The following ACACB variants were observed in gnomAD, a reference collection of about 807,000 sequenced individuals.
ACACB encodes acetyl-CoA carboxylase 2.
Under a neutral mutation model 278.8 loss-of-function variants are expected in ACACB, and 209 were observed. The observed-to-expected ratio is 0.75, with a 90% CI of 0.67 to 0.84. The LOEUF (loss-of-function observed/expected upper bound fraction) is 0.84. ACACB is among the 40% of genes least tolerant of loss of function. The pLI, the probability that ACACB is intolerant of heterozygous loss-of-function variation, is 0.00. For missense variants in ACACB, 2,850 were observed against 3,269.0 expected (o/e 0.87, Z 3.13); for synonymous variants, 1,174 against 1,285.6 (o/e 0.91, Z 1.86).
Position 109,247,686 on chromosome 12 carries a change from G to C in ACACB, c.5652G>C (p.Glu1884Asp). The C allele has an allele frequency of 6.2e-7, 1 of 1,613,552 alleles. No homozygotes were observed. ...SLNSVHCKHIEEGGESRYMIT... is the reference protein window; with the variant it reads ...SLNSVHCKHIDEGGESRYMIT... Reference sequence around the variant, plus strand: ...ACTCCGTCCACTGTAAACACATCGAGGAAGGAGGAGAGTCCAGGTAAATAA... The same window carrying C: ...ACTCCGTCCACTGTAAACACATCGACGAAGGAGGAGAGTCCAGGTAAATAA... The change falls in exon 40 of 53, where the codon GAG becomes GAC. Residue 1884 changes from glutamate (E) to aspartate (D), a missense_variant. This residue lies in a region of ACACB where 2,265 missense variants were observed against 2,561.3 expected (regional missense o/e 0.88). Coordinates refer to ENST00000338432, the MANE Select transcript of ACACB (RefSeq NM_001093.4).
Position 109,206,823 on chromosome 12 carries a change from C to T in ACACB, c.3027C>T (p.Gly1009=). ...VLENLTNVMS[G]FCLPEPVFSI... ...AAAACCTCACCAACGTCATGAGTGG[C>T]TTTTGTCTGCCAGAGCCCGTTTTTA... The change falls in exon 20 of 53, where the codon GGC becomes GGT. Residue 1009 remains glycine, a synonymous_variant. Transcript: ENST00000338432. The T allele has an allele frequency of 6.2e-7, 1 of 1,614,134 alleles. No individual in the cohort carries two copies. The highest frequency in any genetic ancestry group is 8.5e-7 in the Non-Finnish European group (1 of 1,180,034).
At chr12:109,240,504 A>T (rs1449528390) in intron 35 of ACACB, among the ~76,000 whole-genome samples, 5 of 150,996 alleles carry the variant, frequency 3.3e-5, no homozygotes, top group Non-Finnish European at 7.4e-5. Flanking sequence ...TAAAAATTTT[A>T]AAAATTAAAA....
At chr12:109,167,105 G>T in intron 3 of ACACB, 112 bp downstream of exon 3, 1 of 1,422,020 alleles carries the variant, frequency 7.0e-7, no homozygotes, top group Admixed American at 1.8e-5. Flanking sequence ...GCTGCAGAGA[G>T]GGGGTGAGGG....
intron 2 of ACACB, among the ~76,000 whole-genome samples, chr12:109,148,246 A>G (rs2300460): frequency 0.16 from 23,752 of 152,192 alleles, 2,103 homozygotes; most frequent in East Asian, 0.25. Flanking sequence ...TGGCAAAATC[A>G]CTGCTTACAT....
At chr12:109,241,012 A>G in intron 35 of ACACB, 66 bp from the exon 36 acceptor site, 1 of 1,495,310 alleles carries the variant, frequency 6.7e-7, no homozygotes, top group Non-Finnish European at 9.3e-7. Flanking sequence ...TATTAGTATC[A>G]GTGCTATTGC....
At chr12:109,188,775 A>G (rs1443791452) in intron 13 of ACACB, among the ~76,000 whole-genome samples, 1 of 152,208 alleles carries the variant, frequency 6.6e-6, no homozygotes, top group Non-Finnish European at 1.5e-5. Flanking sequence ...TGAGCTTATA[A>G]GAGTTCTAGC....
upstream of ACACB, among the ~76,000 whole-genome samples, chr12:109,112,531 T>C (rs565741597): frequency 3.3e-3 from 497 of 151,956 alleles, 1 homozygote; most frequent in African/African-American, 0.011. Context: ...GGAGAAACCC[T>C]GTCTCCACTA....
intron 19 of ACACB, among the ~76,000 whole-genome samples, chr12:109,206,262 T>G (rs961733502): frequency 1.3e-5 from 2 of 151,882 alleles, no homozygotes; most frequent in Admixed American, 1.3e-4. Flanking sequence ...GGTGAAAACC[T>G]GTCTATACTA....
intron 17 of ACACB, among the ~76,000 whole-genome samples, chr12:109,197,577 G>A (rs1278104125): frequency 6.6e-6 from 1 of 152,160 alleles, no homozygotes; most frequent in East Asian, 1.9e-4. Flanking sequence ...GGAGCTTCCA[G>A]CCCATTCGGG....
chr12:109,241,274 C>T lies in ACACB; in HGVS notation c.5015C>T (p.Ser1672Phe). 1.9e-6 allele frequency: 3 copies of T among 1,614,128 alleles called. No individual in the cohort carries two copies. In the Middle Eastern group the frequency reaches 4.9e-4, roughly 266 times the overall value. Residue 1672 changes from serine (S) to phenylalanine (F), a missense_variant, in exon 36 of 53, where the codon TCT (serine) becomes TTT (phenylalanine). Around this residue, in one of 3 missense-constraint regions of ACACB, gnomAD observed 2,265 missense variants for 2,561.3 expected, o/e 0.88. Coordinates refer to ENST00000338432, the MANE Select transcript of ACACB (RefSeq NM_001093.4). ...SLYKEVTDSRSGNIMFHSFGN... is the reference protein window; with the variant it reads ...SLYKEVTDSRFGNIMFHSFGN... ...TACAAAGAAGTGACTGACTCCAGATCTGGAAATGTAAGGCTGGCCCGCGCC... is the reference window on the plus strand; with the variant it reads ...TACAAAGAAGTGACTGACTCCAGATTTGGAAATGTAAGGCTGGCCCGCGCC...
At chr12:109,220,694 G>A (rs1244192663) in intron 24 of ACACB, among the ~76,000 whole-genome samples, 3 of 152,082 alleles carry the variant, frequency 2.0e-5, no homozygotes, top group Non-Finnish European at 4.4e-5. Context: ...TGGGACTACA[G>A]GCACGTACCA....
At chr12:109,118,367 G>A (rs1330536517) in intron 1 of ACACB, among the ~76,000 whole-genome samples, 2 of 151,698 alleles carry the variant, frequency 1.3e-5, no homozygotes, top group Non-Finnish European at 2.9e-5. Context: ...TTTTGAAATG[G>A]AGGTTTCCTT....
chr12:109,197,089 G>T lies in ACACB; in HGVS notation c.2563G>T (p.Gly855Trp). Residue 855 changes from glycine (G) to tryptophan (W), a missense_variant, in exon 17 of 53, where the codon GGG becomes TGG. Around this residue, in one of 3 missense-constraint regions of ACACB, gnomAD observed 2,265 missense variants for 2,561.3 expected, o/e 0.88. Transcript: ENST00000338432. ...IEIDAHRLND[G>W]GLLLSYNGNS... ...GATTGATGCCCACCGGCTGAATGAT[G>T]GGGGGCTCCTGCTCTCCTACAATGG... 1.2e-6 allele frequency: 2 copies of T among 1,601,606 alleles called. No individual in the cohort carries two copies. The highest frequency in any genetic ancestry group is 1.7e-6 in the Non-Finnish European group (2 of 1,175,180).
Position 109,164,191 on chromosome 12 carries a change from A to G in ACACB, c.654-2670A>G, listed in dbSNP as rs2043825619. ...CTAGCAGCCTTGGAAGCCACAACACAATGGCACAAGGCTTCTAAAACTTGA... is the reference window on the plus strand; with the variant it reads ...CTAGCAGCCTTGGAAGCCACAACACGATGGCACAAGGCTTCTAAAACTTGA... On this transcript the variant is annotated intron_variant, in intron 2 of 52. Coordinates refer to ENST00000338432, the MANE Select transcript of ACACB (RefSeq NM_001093.4). Among the ~76,000 whole-genome samples, 3 of 152,140 alleles carry G rather than the reference A, an allele frequency of 2.0e-5. No individual in the cohort carries two copies. The South Asian group carries it at 6.2e-4, about 31-fold the overall frequency.
intron 11 of ACACB, among the ~76,000 whole-genome samples, chr12:109,183,113 A>G (rs763993336): frequency 1.3e-5 from 2 of 152,046 alleles, no homozygotes; most frequent in Non-Finnish European, 2.9e-5. Context: ...TTGTTTCTGG[A>G]TTCTCTATTC....
chr12:109,209,162 C>T lies in ACACB; in HGVS notation c.3061-3C>T. The T allele has an allele frequency of 1.3e-6, 2 of 1,592,744 alleles. No individual in the cohort carries two copies. Among genetic ancestry groups the T allele is most frequent in the Non-Finnish European group, 1.7e-6 (2 of 1,170,018 alleles). On this transcript the variant is annotated splice_polypyrimidine_tract_variant and splice_region_variant and intron_variant, in intron 20 of 52. Coordinates refer to ENST00000338432, the MANE Select transcript of ACACB (RefSeq NM_001093.4). ...GGGGCTGATGCTGTGGTCCCCGCTT[C>T]AGCTGAAGGAGTGGGTGCAGAAGCT...
At position 109,193,646 on chromosome 12, in the gene ACACB, A is replaced by G; in HGVS notation, c.2400-2A>G. 6.2e-7 allele frequency: 1 copy of G among 1,612,688 alleles called. No homozygotes were observed. The highest frequency in any genetic ancestry group is 8.5e-7 in the Non-Finnish European group (1 of 1,178,744). On this transcript the variant is annotated splice_acceptor_variant, in intron 15 of 52. Transcript: ENST00000338432. LOFTEE classifies it high-confidence loss of function. ...TGACCACAACCCTGTCTTTTCTTTC[A>G]GGGGCCAGGTCCTCCCAGCGGATTC... is the stretch of plus-strand genomic sequence containing the variant.
intron 29 of ACACB, 71 bp from the exon 30 acceptor site, chr12:109,233,677 G>C (rs2046544629): frequency 1.5e-6 from 2 of 1,341,020 alleles, no homozygotes; most frequent in Admixed American, 3.5e-5. Flanking sequence ...CCTGCTGCCT[G>C]GCTTGGAAGC....
intron 2 of ACACB, among the ~76,000 whole-genome samples, chr12:109,166,585 G>T (rs921117691): frequency 6.9e-6 from 1 of 145,616 alleles, no homozygotes; most frequent in Non-Finnish European, 1.5e-5. Context: ...AGGAGGTCGA[G>T]GCTGCAGCGA....
Sources: gnomAD v4.1 joint callset for allele counts (sites outside exome capture counted in the v4.1 genomes callset) on GRCh38, gnomAD v4.1.1 for gene constraint, gnomAD v4.1.1 regional missense constraint, MANE v1.5 for transcripts, NCBI Gene and HGNC (gene_info 2026-07-23, HGNC 2026-07-21) for gene names.